Variants in ABCA6 observed in about 807,000 individuals in gnomAD.
ABCA6 encodes the protein ATP binding cassette subfamily A member 6.
In ABCA6, 164 loss-of-function variants were observed where a neutral mutation model predicts 191.2. The observed-to-expected ratio is 0.86, with a 90% confidence interval of 0.76 to 0.98. The LOEUF (loss-of-function observed/expected upper bound fraction) is 0.98. Ranked by LOEUF, ABCA6 falls within the 50% of genes least tolerant of loss-of-function variation. The pLI, the probability that ABCA6 is intolerant of heterozygous loss-of-function variation, is 0.00. For synonymous variants in ABCA6, 636 were observed against 647.7 expected, an observed-to-expected ratio of 0.98 and a Z score of 0.27; for missense variants, 1,958 against 1,894.1, an observed-to-expected ratio of 1.03 and a Z score of -0.63.
At chr17:69,114,639 T>C (rs1598037791) in intron 13 of ABCA6, 123 bp downstream of exon 13, 10 of 903,842 alleles carry the variant, frequency 1.1e-5, no homozygotes, top group African/African-American at 5.1e-5. Flanking sequence ...ATATTTGTTA[T>C]GGGACCTCTT....
At position 69,141,766 on chromosome 17, in the gene ABCA6, C is replaced by A. The variant is rs1295623764; in HGVS notation, c.-67G>T. 1.3e-5 allele frequency: 2 copies of A among 152,008 alleles called. No homozygotes were observed. Among genetic ancestry groups the A allele is most frequent in the African/African-American group, 4.8e-5 (2 of 41,406 alleles). The allele number at this position is 152,008 out of a possible 1,614,324, so 9.4% of individuals were successfully genotyped here. On this transcript the variant is annotated 5_prime_UTR_variant, in exon 1 of 39. Coordinates refer to ENST00000284425, the MANE Select transcript of ABCA6 (RefSeq NM_080284.3). ...TTACTGTCAGGAAAATAATAAAAAG[C>A]ACTCTAGAAACACTGTCAAAACCAG...
Position 69,084,455 on chromosome 17 carries a change from ATT to A in ABCA6, c.4235_4236del (p.Lys1412IlefsTer26). ...LHEQLNVPVQ[K>X]LTAGITRKLC... is the part of the protein sequence containing the mutation. ...ACCTTTCTCGTGATTCCTGCTGTTAATTTCTGCACAGGAACATTCAGCTGCTC... is the reference window on the plus strand; with the variant it reads ...ACCTTTCTCGTGATTCCTGCTGTTAATCTGCACAGGAACATTCAGCTGCTC... On this transcript the variant is annotated frameshift_variant, in exon 33 of 39. Coordinates refer to ENST00000284425, the MANE Select transcript of ABCA6 (RefSeq NM_080284.3). LOFTEE classifies it high-confidence loss of function. 6.2e-7 allele frequency: 1 copy of A among 1,614,184 alleles called. No individual in the cohort carries two copies. Among genetic ancestry groups the A allele is most frequent in the Non-Finnish European group, 8.5e-7 (1 of 1,180,010 alleles).
chr17:69,122,046 C>A (rs942227061), intron 10 of ABCA6, among the ~76,000 whole-genome samples: 5 of 152,146 alleles, frequency 3.3e-5, no homozygotes, highest in African/African-American at 1.2e-4. Flanking sequence ...TCTATTTATT[C>A]ATTTTTCTTT....
chr17:69,086,337 T>C (rs1031515283), intron 30 of ABCA6, among the ~76,000 whole-genome samples: 2 of 152,124 alleles, frequency 1.3e-5, no homozygotes, highest in African/African-American at 4.8e-5. Context: ...CTTCCATTTA[T>C]GGATGCATTC....
At chr17:69,123,686 G>A (rs2073694102) in intron 9 of ABCA6, among the ~76,000 whole-genome samples, 1 of 152,014 alleles carries the variant, frequency 6.6e-6, no homozygotes, top group African/African-American at 2.4e-5. Flanking sequence ...AGGAAAGTGA[G>A]GTTCGAATAA....
chr17:69,087,228 T>C (rs912090934), intron 29 of ABCA6, 125 bp downstream of exon 29: 3 of 1,247,226 alleles, frequency 2.4e-6, no homozygotes, highest in South Asian at 2.9e-5. Flanking sequence ...TGGAGTGTCC[T>C]GGACGCATAA....
intron 8 of ABCA6, among the ~76,000 whole-genome samples, chr17:69,126,273 T>C (rs934364134): frequency 6.6e-6 from 1 of 152,138 alleles, no homozygotes; most frequent in African/African-American, 2.4e-5. Context: ...AATTTAAACA[T>C]AGATGCTATT....
chr17:69,131,938 GT>G (rs2073869788), intron 6 of ABCA6, among the ~76,000 whole-genome samples: 1 of 152,122 alleles, frequency 6.6e-6, no homozygotes, highest in African/African-American at 2.4e-5. Flanking sequence ...TTTTACAGGG[GT>G]TCCCTCCTAA....
At chr17:69,115,050 G>C in intron 12 of ABCA6, 113 bp from the exon 13 acceptor site, 1 of 823,858 alleles carries the variant, frequency 1.2e-6, no homozygotes, top group South Asian at 1.9e-5. Flanking sequence ...AATGATTTGT[G>C]AACTACTATT....
chr17:69,129,636 G>A lies in ABCA6; in HGVS notation c.907C>T (p.Leu303Phe). Residue 303 changes from leucine (L) to phenylalanine (F), a missense_variant, in exon 7 of 39, where the codon CTC (leucine) becomes TTC (phenylalanine). Leu to Phe is a conservative substitution (Grantham distance 22, BLOSUM62 0). Transcript: ENST00000284425. The part of the protein sequence containing the change: ...VMTGFMVIFI[L>F]FFLYGLSLVA... ...AAAGATAAGCCATATAAAAAAAAGA[G>A]TATAAATATGACCATGAAGCCAGTC... is the stretch of plus-strand genomic sequence containing the variant. The A allele has an allele frequency of 1.2e-6, 2 of 1,600,174 alleles. No homozygotes were observed. Among genetic ancestry groups the A allele is most frequent in the Non-Finnish European group, 1.7e-6 (2 of 1,171,940 alleles).
At position 69,106,098 on chromosome 17, in the gene ABCA6, T is replaced by C. The variant is rs760811556; in HGVS notation, c.2503A>G (p.Met835Val). The C allele has an allele frequency of 1.2e-6, 2 of 1,613,872 alleles. No individual in the cohort carries two copies. The highest frequency in any genetic ancestry group is 1.7e-6 in the Non-Finnish European group (2 of 1,179,846). The change falls in exon 19 of 39, where the codon ATG becomes GTG. Residue 835 changes from methionine (M) to valine (V), a missense_variant. Transcript: ENST00000284425. Reference sequence around the variant, plus strand: ...AGCCGTGCCATGGCAAAGACTTGCATTCTCCAGAGGCCCATGTCACTCACA... The same window carrying C: ...AGCCGTGCCATGGCAAAGACTTGCACTCTCCAGAGGCCCATGTCACTCACA... Reference protein sequence around the residue: ...TAVSDMGLWRMQVFAMARLRF... With the variant: ...TAVSDMGLWRVQVFAMARLRF...
In ABCA6 at chr17:69,133,878, G is replaced by A. The variant is rs755950086; in HGVS notation, c.565-11C>T. ...GTGATTGGTTGTGATCTAAAGTAGA[G>A]TTTAAACAAACATAATTATTATTTA... On this transcript the variant is annotated splice_polypyrimidine_tract_variant and intron_variant, in intron 5 of 38. Coordinates refer to ENST00000284425, the MANE Select transcript of ABCA6 (RefSeq NM_080284.3). 1 of 1,496,902 alleles carries A rather than the reference G, an allele frequency of 6.7e-7. No homozygotes were observed. The allele number at this position is 1,496,902 out of a possible 1,614,324, so 92.7% of individuals were successfully genotyped here.
At chr17:69,123,491 C>T in intron 9 of ABCA6, 84 bp from the exon 10 acceptor site, 5 of 995,956 alleles carry the variant, frequency 5.0e-6, no homozygotes, top group Non-Finnish European at 6.7e-6. Context: ...ATGCAGAATG[C>T]CTTGAAGTTT....
intron 30 of ABCA6, 28 bp from the exon 31 acceptor site, chr17:69,085,744 T>C (rs753499905): frequency 6.8e-7 from 1 of 1,479,166 alleles, no homozygotes; most frequent in Non-Finnish European, 9.4e-7. Context: ...ACTATCAATA[T>C]TGGAAGTGAA....
intron 27 of ABCA6, 39 bp downstream of exon 27, chr17:69,089,426 T>C (rs1229155077): frequency 6.4e-7 from 1 of 1,566,652 alleles, no homozygotes; most frequent in East Asian, 2.2e-5. Context: ...ATGACAGTCA[T>C]CCAAAAGAAT....
chr17:69,133,625 TGAATTA>T lies in ABCA6; in HGVS notation c.791+10_791+15del, dbSNP rs1196453553. The T allele has an allele frequency of 1.3e-6, 2 of 1,514,984 alleles. No homozygotes were observed. The highest frequency in any genetic ancestry group is 2.8e-5 in the African/African-American group (2 of 71,670). 93.8% of individuals were successfully genotyped at this position (1,514,984 alleles called of 1,614,324 possible). A position where few individuals can be genotyped will look rare whatever the true frequency, so the allele number is the denominator to read the frequency against. ...TTCCTGTTTATTAATTTGCACTACT[TGAATTA>T]GTCACTCACCAGAATGCTGAATCTT... is the stretch of plus-strand genomic sequence containing the variant. On this transcript the variant is annotated intron_variant, in intron 6 of 38. Transcript: ENST00000284425.
intron 18 of ABCA6, 46 bp from the exon 19 acceptor site, chr17:69,106,257 C>G: frequency 6.5e-7 from 1 of 1,534,502 alleles, no homozygotes. Flanking sequence ...AATATTAATG[C>G]CATCCTGGAG....
At chr17:69,106,548 G>A (rs1443982410) in intron 18 of ABCA6, among the ~76,000 whole-genome samples, 1 of 133,682 alleles carries the variant, frequency 7.5e-6, no homozygotes, top group African/African-American at 2.9e-5. Context: ...AGCCGAGATT[G>A]CACCACTGCA....
At chr17:69,096,217 AT>A in intron 25 of ABCA6, 22 bp downstream of exon 25, 1 of 1,161,070 alleles carries the variant, frequency 8.6e-7, no homozygotes, top group Non-Finnish European at 1.2e-6. Flanking sequence ...CTATTTCTCT[AT>A]TTGTATGTAT....
Sources: gnomAD v4.1 joint callset for allele counts (sites outside exome capture counted in the v4.1 genomes callset) on GRCh38, gnomAD v4.1.1 for gene constraint, MANE v1.5 for transcripts, NCBI Gene and HGNC (gene_info 2026-07-23, HGNC 2026-07-21) for gene names.